LINGO2: variants seen among roughly 807,000 people sequenced by gnomAD.
LINGO2 encodes leucine-rich repeat and immunoglobulin-like domain-containing nogo receptor-interacting protein 2.
In LINGO2, 14 loss-of-function variants were observed where a neutral mutation model predicts 30.6. The ratio of observed to expected loss-of-function variants is 0.46; its 90% confidence interval spans 0.30 to 0.72. The LOEUF is 0.72. Among genes scored for constraint, LINGO2 ranks in the 30% least tolerant of loss-of-function variants. The pLI, the probability that LINGO2 is intolerant of heterozygous loss-of-function variation, is 0.07. For missense variants in LINGO2, 729 were observed against 751.7 expected, an observed-to-expected ratio of 0.97 and a Z score of 0.35; for synonymous variants, 317 against 288.5, an observed-to-expected ratio of 1.10 and a Z score of -1.00.
chr9:28,924,578 T>C, the LINGO2 span, among the ~76,000 whole-genome samples: 110,868 of 152,018 alleles, frequency 0.73, 40,686 homozygotes, highest in Non-Finnish European at 0.78. Context: ...AAAACCTGGT[T>C]TATAGTGCAG....
At chr9:28,153,185 A>T (rs1828044964) in intron 4 of LINGO2, among the ~76,000 whole-genome samples, 1 of 152,128 alleles carries the variant, frequency 6.6e-6, no homozygotes, top group South Asian at 2.1e-4. Context: ...TATCTAGTAA[A>T]ATAAATATCA....
chr9:28,191,405 C>T (rs1398300316), intron 4 of LINGO2, among the ~76,000 whole-genome samples: 1 of 152,140 alleles, frequency 6.6e-6, no homozygotes, highest in Non-Finnish European at 1.5e-5. Context: ...AGATCCTATT[C>T]CTGCTGCCTG....
the LINGO2 span, among the ~76,000 whole-genome samples, chr9:29,021,520 G>C: frequency 6.6e-6 from 1 of 152,048 alleles, no homozygotes; most frequent in Non-Finnish European, 1.5e-5. Flanking sequence ...GGCCAGACGT[G>C]GTGGTGGGCA....
At chr9:28,660,322 AT>A (rs767660536) in intron 1 of LINGO2, among the ~76,000 whole-genome samples, 1 of 152,232 alleles carries the variant, frequency 6.6e-6, no homozygotes, top group South Asian at 2.1e-4. Context: ...TTAATTCAAA[AT>A]ATCTAAGAAA....
chr9:29,187,288 A>T, the LINGO2 span, among the ~76,000 whole-genome samples: 2 of 152,222 alleles, frequency 1.3e-5, no homozygotes, highest in African/African-American at 2.4e-5. Context: ...AGCAAAAACA[A>T]TTATAAATCA....
In LINGO2 at chr9:28,147,240, C is replaced by T. The variant is rs1210167328; in HGVS notation, c.-86-134835G>A. ...AGATGTTGTATCCATGATCATGAGG[C>T]ACACAGGCCAGAGCGCCAGCTGTGG... On this transcript the variant is annotated intron_variant, in intron 4 of 5. Transcript: ENST00000379992. This position sits in a 1 kb window ranked among gnomAD's most constrained non-coding sequence, Gnocchi z 4.7. Among the ~76,000 whole-genome samples, 1 of 152,200 alleles carries T rather than the reference C, an allele frequency of 6.6e-6. No individual in the cohort carries two copies. Among genetic ancestry groups the T allele is most frequent in the Non-Finnish European group, 1.5e-5 (1 of 68,032 alleles).
At chr9:28,324,750 G>A (rs1224566865) in intron 3 of LINGO2, among the ~76,000 whole-genome samples, 2 of 152,098 alleles carry the variant, frequency 1.3e-5, no homozygotes, top group Non-Finnish European at 2.9e-5. Context: ...CCCTTCCCCA[G>A]AAAACTCATG....
At chr9:28,240,371 C>T (rs912561879) in intron 4 of LINGO2, among the ~76,000 whole-genome samples, 5 of 152,132 alleles carry the variant, frequency 3.3e-5, no homozygotes, top group African/African-American at 1.2e-4. Context: ...TACCTGACTT[C>T]AAATTATACT....
In LINGO2 at chr9:28,148,574, T is replaced by A; in HGVS notation, c.-86-136169A>T. 1 of 1,506,914 alleles carries A rather than the reference T, an allele frequency of 6.6e-7. No homozygotes were observed. Among genetic ancestry groups the A allele is most frequent in the Non-Finnish European group, 8.9e-7 (1 of 1,121,778 alleles). The allele number at this position is 1,506,914 out of a possible 1,614,324, so 93.3% of individuals were successfully genotyped here. A position where few individuals can be genotyped will look rare whatever the true frequency, so the allele number is the denominator to read the frequency against. ...TAGGCCCCTGGAGACTCAGGGAAACTTCACTTCCTCCTGGTACAATCCCAG... is the reference window on the plus strand; with the variant it reads ...TAGGCCCCTGGAGACTCAGGGAAACATCACTTCCTCCTGGTACAATCCCAG... On this transcript the variant is annotated intron_variant, in intron 4 of 5. Coordinates refer to ENST00000379992, the Ensembl canonical transcript of LINGO2. This position sits in a 1 kb window ranked among gnomAD's most constrained non-coding sequence, Gnocchi z 5.1.
At chr9:28,013,205 A>G (rs1822647951) in intron 4 of LINGO2, among the ~76,000 whole-genome samples, 1 of 152,110 alleles carries the variant, frequency 6.6e-6, no homozygotes, top group African/African-American at 2.4e-5. Context: ...AGAATTCCCT[A>G]TTTCTGCCTT....
intron 5 of LINGO2, among the ~76,000 whole-genome samples, chr9:28,009,923 C>A (rs967689827): frequency 2.0e-5 from 3 of 152,162 alleles, no homozygotes; most frequent in Non-Finnish European, 2.9e-5. Flanking sequence ...TGCATGTGAA[C>A]ATTCATAGCA....
chr9:27,969,150 G>A (rs1820238798), intron 5 of LINGO2, among the ~76,000 whole-genome samples: 1 of 151,952 alleles, frequency 6.6e-6, no homozygotes, highest in African/African-American at 2.4e-5. Flanking sequence ...AAGTATGAAA[G>A]AGCAGATAGA....
chr9:28,171,340 T>C (rs896285924), intron 4 of LINGO2, among the ~76,000 whole-genome samples: 4 of 152,190 alleles, frequency 2.6e-5, no homozygotes, highest in African/African-American at 9.6e-5. Context: ...TATTCATTAC[T>C]AAACCTAGCT....
the LINGO2 span, among the ~76,000 whole-genome samples, chr9:29,119,970 G>C: frequency 6.6e-6 from 1 of 152,124 alleles, no homozygotes; most frequent in Non-Finnish European, 1.5e-5. Flanking sequence ...CAAGAGGTTT[G>C]GCAGGGAGTT....
chr9:28,167,139 A>AC (rs35331376), intron 4 of LINGO2, among the ~76,000 whole-genome samples: 2,285 of 104,888 alleles, frequency 0.022, 35 homozygotes, highest in Middle Eastern at 0.036. Context: ...TTAATATAGC[A>AC]CCCCCCCCCC....
the LINGO2 span, among the ~76,000 whole-genome samples, chr9:28,787,758 T>C: frequency 6.6e-6 from 1 of 152,300 alleles, no homozygotes; most frequent in South Asian, 2.1e-4. Context: ...TTATTTACTA[T>C]GTAGCTATTT....
chr9:29,012,229 A>G, the LINGO2 span, among the ~76,000 whole-genome samples: 1 of 152,010 alleles, frequency 6.6e-6, no homozygotes, highest in Non-Finnish European at 1.5e-5. Flanking sequence ...GTGGTGGCAG[A>G]TGTCTGTAAT....
the LINGO2 span, among the ~76,000 whole-genome samples, chr9:29,080,112 CA>C: frequency 2.0e-5 from 3 of 152,068 alleles, no homozygotes; most frequent in African/African-American, 7.2e-5. Context: ...ATTATTGCCT[CA>C]ATTTCAGACC....
chr9:28,856,951 T>A, the LINGO2 span, among the ~76,000 whole-genome samples: 1 of 152,152 alleles, frequency 6.6e-6, no homozygotes, highest in Admixed American at 6.6e-5. Context: ...AAGGATGACA[T>A]CTAAATTTTA....
Sources: allele counts gnomAD v4.1 joint callset (sites outside exome capture counted in the v4.1 genomes callset), GRCh38; gene constraint gnomAD v4.1.1; non-coding constraint Gnocchi (gnomAD v3.1); transcripts MANE v1.5; gene names NCBI Gene and HGNC (gene_info 2026-07-23, HGNC 2026-07-21).